HSPA2: variants seen among roughly 807,000 people sequenced by gnomAD.
The protein encoded by HSPA2 is heat shock-related 70 kDa protein 2.
HSPA2 carries 13 observed loss-of-function variants against 35.0 expected under a neutral mutation model. The observed-to-expected ratio is 0.37, with a 90% confidence interval of 0.24 to 0.59. HSPA2 has a LOEUF of 0.59. Ranked by LOEUF, HSPA2 falls within the 20% of genes least tolerant of loss-of-function variation. HSPA2 has a pLI of 0.70. For missense variants in HSPA2, 565 were observed against 885.4 expected, an observed-to-expected ratio of 0.64 and a Z score of 4.59; for synonymous variants, 368 against 382.1, an observed-to-expected ratio of 0.96 and a Z score of 0.43.
chr14:64,539,128 C>A (rs1054748273), upstream of HSPA2, among the ~76,000 whole-genome samples: 37 of 152,160 alleles, frequency 2.4e-4, no homozygotes, highest in African/African-American at 8.7e-4. Flanking sequence ...ATATGGGAGC[C>A]TGCTTCTAAA....
chr14:64,538,303 T>C (rs1166255052), upstream of HSPA2, among the ~76,000 whole-genome samples: 1 of 152,224 alleles, frequency 6.6e-6, no homozygotes, highest in Non-Finnish European at 1.5e-5. Context: ...AGCTTTTACA[T>C]GGCTGCACAT....
chr14:64,542,334 C>G lies in HSPA2; in HGVS notation c.1485C>G (p.Asp495Glu). The G allele has an allele frequency of 6.2e-7, 1 of 1,613,978 alleles. No individual in the cohort carries two copies. Among genetic ancestry groups the G allele is most frequent in the Non-Finnish European group, 8.5e-7 (1 of 1,180,020 alleles). ...ANGILNVTAA[D>E]KSTGKENKIT... ...GCATCCTTAACGTTACCGCCGCCGA[C>G]AAGAGCACCGGTAAGGAAAACAAAA... Residue 495 changes from aspartate to glutamate, a missense_variant, in exon 1 of 1, where the codon GAC becomes GAG. Physicochemically the swap from Asp to Glu is conservative, Grantham distance 45. This residue lies in a region of HSPA2 where 234 missense variants were observed against 419.0 expected (regional missense o/e 0.56). Coordinates refer to ENST00000247207, the MANE Select transcript of HSPA2 (RefSeq NM_021979.4). The surrounding 1 kb of genome is among the most constrained non-coding windows in gnomAD (Gnocchi z 5.7).
Position 64,541,410 on chromosome 14 carries a change from CAAG to C in HSPA2, c.565_567del (p.Lys189del), listed in dbSNP as rs1346124309. 1.2e-6 allele frequency: 2 copies of C among 1,613,514 alleles called. No homozygotes were observed. The highest frequency in any genetic ancestry group is 1.7e-6 in the Non-Finnish European group (2 of 1,179,892). ...CGGCGGCCATCGCCTACGGCCTGGACAAGAAGGGCTGCGCGGGCGGCGAGAAGA... is the reference window on the plus strand; with the variant it reads ...CGGCGGCCATCGCCTACGGCCTGGACAAGGGCTGCGCGGGCGGCGAGAAGA... On this transcript the variant is annotated inframe_deletion, in exon 1 of 1. Transcript: ENST00000247207.
Position 64,541,712 on chromosome 14 carries a change from A to G in HSPA2, c.863A>G (p.Asp288Gly). 1.9e-6 allele frequency: 3 copies of G among 1,611,780 alleles called. No homozygotes were observed. Among genetic ancestry groups the G allele is most frequent in the Non-Finnish European group, 2.5e-6 (3 of 1,179,542 alleles). Residue 288 changes from aspartate (D) to glycine (G), a missense_variant, in exon 1 of 1, where the codon GAC becomes GGC. Physicochemically the swap from Asp to Gly is moderately conservative, Grantham distance 94. Transcript: ENST00000247207. The stretch of plus-strand genomic sequence containing the variant: ...TCCACGCAGGCGAGCATCGAGATCG[A>G]CTCGCTCTACGAGGGCGTGGACTTC... ...SSSTQASIEI[D>G]SLYEGVDFYT...
At chr14:64,540,266 T>G (rs147421872), upstream of HSPA2, 1,090 of 166,052 alleles carry the variant, frequency 6.6e-3, 7 homozygotes, top group Non-Finnish European at 9.7e-3. Context: ...AGCAGTGAAC[T>G]GCATTTAAAA....
chr14:64,540,702 G>A (rs2080020484), upstream of HSPA2: 2 of 1,250,994 alleles, frequency 1.6e-6, no homozygotes, highest in African/African-American at 3.0e-5. Context: ...GGAGTTCCCA[G>A]AGGCGGCTAT....
At chr14:64,540,719 C>T, upstream of HSPA2, 2 of 1,393,634 alleles carry the variant, frequency 1.4e-6, no homozygotes, top group Non-Finnish European at 9.6e-7. Context: ...CTATAAGAAC[C>T]GGGAACTGGG....
upstream of HSPA2, chr14:64,540,341 C>T (rs1014939025): frequency 5.4e-6 from 1 of 185,738 alleles, no homozygotes; most frequent in Middle Eastern, 2.7e-3. Context: ...ACGCCTCCTC[C>T]CCGTGCCGCG....
Position 64,542,846 on chromosome 14 carries a change from C to A in HSPA2, c.*77C>A. On this transcript the variant is annotated 3_prime_UTR_variant, in exon 1 of 1. Coordinates refer to ENST00000247207, the MANE Select transcript of HSPA2 (RefSeq NM_021979.4). The surrounding 1 kb of genome is among the most constrained non-coding windows in gnomAD (Gnocchi z 5.7). ...TTTTTGTTTGTTTCTTTGAAATGTCCTTGTGCCAAGTACGAGATCTATTGT... is the reference window on the plus strand; with the variant it reads ...TTTTTGTTTGTTTCTTTGAAATGTCATTGTGCCAAGTACGAGATCTATTGT... The A allele has an allele frequency of 6.7e-7, 1 of 1,483,672 alleles. No individual in the cohort carries two copies. Among genetic ancestry groups the A allele is most frequent in the South Asian group, 1.4e-5 (1 of 71,116 alleles). The allele number at this position is 1,483,672 out of a possible 1,614,324, so 91.9% of individuals were successfully genotyped here. A position where few individuals can be genotyped will look rare whatever the true frequency, so the allele number is the denominator to read the frequency against.
At position 64,542,734 on chromosome 14, in the gene HSPA2, G is replaced by A; in HGVS notation, c.1885G>A (p.Ala629Thr). ...CGGCAGCGGCGGCGGCGGTTCAGGAGCCTCCGGGGGACCCACCATCGAAGA... is the reference window on the plus strand; with the variant it reads ...CGGCAGCGGCGGCGGCGGTTCAGGAACCTCCGGGGGACCCACCATCGAAGA... ...GGGSGGGGSGASGGPTIEEVD is the reference protein window; with the variant it reads ...GGGSGGGGSGTSGGPTIEEVD The change falls in exon 1 of 1, where the codon GCC becomes ACC. Residue 629 changes from alanine (A) to threonine (T), a missense_variant. This residue lies in a region of HSPA2 where 147 missense variants were observed against 166.7 expected (regional missense o/e 0.88). Coordinates refer to ENST00000247207, the MANE Select transcript of HSPA2 (RefSeq NM_021979.4). This position sits in a 1 kb window ranked among gnomAD's most constrained non-coding sequence, Gnocchi z 5.7. 1 of 1,612,410 alleles carries A rather than the reference G, an allele frequency of 6.2e-7. No individual in the cohort carries two copies. The highest frequency in any genetic ancestry group is 8.5e-7 in the Non-Finnish European group (1 of 1,179,236).
In HSPA2 at chr14:64,541,190, CCTT is replaced by C. The variant is rs2080027198; in HGVS notation, c.346_348del (p.Phe116del). ...GTAGAGTACAAGGGGGAGACCAAGACCTTCTTCCCAGAGGAGATATCCTCCATG... is the reference window on the plus strand; with the variant it reads ...GTAGAGTACAAGGGGGAGACCAAGACCTTCCCAGAGGAGATATCCTCCATG... On this transcript the variant is annotated inframe_deletion, in exon 1 of 1. Transcript: ENST00000247207. 1.2e-6 allele frequency: 2 copies of C among 1,614,118 alleles called. No homozygotes were observed. The highest frequency in any genetic ancestry group is 1.7e-6 in the Non-Finnish European group (2 of 1,180,018).
At chr14:64,538,894 G>C (rs1257278433), upstream of HSPA2, among the ~76,000 whole-genome samples, 2 of 152,208 alleles carry the variant, frequency 1.3e-5, no homozygotes, top group African/African-American at 4.8e-5. Context: ...CTGGAGTGCA[G>C]TGTCGCAATC....
chr14:64,538,644 C>T (rs1394533933), upstream of HSPA2, among the ~76,000 whole-genome samples: 3 of 152,188 alleles, frequency 2.0e-5, no homozygotes, highest in Admixed American at 2.0e-4. Context: ...GTTCCCATGG[C>T]GCTTTGCTTT....
In HSPA2 at chr14:64,542,670, C is replaced by G. The variant is rs750582212; in HGVS notation, c.1821C>G (p.Asn607Lys). The G allele has an allele frequency of 6.2e-7, 1 of 1,614,022 alleles. No homozygotes were observed. Among genetic ancestry groups the G allele is most frequent in the South Asian group, 1.1e-5 (1 of 91,072 alleles). Residue 607 changes from asparagine to lysine, a missense_variant, in exon 1 of 1, where the codon AAC becomes AAG. Physicochemically the swap from Asn to Lys is moderately conservative, Grantham distance 94. Around this residue, in one of 4 missense-constraint regions of HSPA2, gnomAD observed 147 missense variants for 166.7 expected, o/e 0.88. Coordinates refer to ENST00000247207, the MANE Select transcript of HSPA2 (RefSeq NM_021979.4). This position sits in a 1 kb window ranked among gnomAD's most constrained non-coding sequence, Gnocchi z 5.7. ...AGAAAGAGCTCGAAAGAGTTTGCAA[C>G]CCCATCATCAGCAAACTTTACCAAG... ...HKQKELERVC[N>K]PIISKLYQGG...
rs1181422210 is a variant in HSPA2 at position 64,541,456 on chromosome 14, C to T, written c.607C>T (p.Leu203=). 1 of 1,613,494 alleles carries T rather than the reference C, an allele frequency of 6.2e-7. No homozygotes were observed. The highest frequency in any genetic ancestry group is 8.5e-7 in the Non-Finnish European group (1 of 1,179,708). Residue 203 remains leucine, a synonymous_variant, in exon 1 of 1, where the codon CTG becomes TTG. Transcript: ENST00000247207. The part of the protein sequence containing the change: ...GGEKNVLIFD[L]GGGTFDVSIL... ...CGAGAAGAACGTGCTCATCTTTGAC[C>T]TGGGCGGTGGCACTTTCGACGTGTC...
chr14:64,542,365 A>G lies in HSPA2; in HGVS notation c.1516A>G (p.Ile506Val), dbSNP rs1448033062. The stretch of plus-strand genomic sequence containing the variant: ...CACCGGTAAGGAAAACAAAATCACC[A>G]TCACCAATGACAAAGGTCGTCTGAG... ...KSTGKENKIT[I>V]TNDKGRLSKD... Residue 506 changes from isoleucine to valine, a missense_variant, in exon 1 of 1, where the codon ATC (isoleucine) becomes GTC (valine). By Grantham distance (29) the Ile-to-Val change is conservative. This residue lies in a region of HSPA2 where 234 missense variants were observed against 419.0 expected (regional missense o/e 0.56). Coordinates refer to ENST00000247207, the MANE Select transcript of HSPA2 (RefSeq NM_021979.4). This position sits in a 1 kb window ranked among gnomAD's most constrained non-coding sequence, Gnocchi z 5.7. The G allele has an allele frequency of 6.2e-7, 1 of 1,613,952 alleles. No individual in the cohort carries two copies. Among genetic ancestry groups the G allele is most frequent in the South Asian group, 1.1e-5 (1 of 91,078 alleles).
chr14:64,536,673 T>A (rs2079982409), upstream of HSPA2, among the ~76,000 whole-genome samples: 1 of 152,124 alleles, frequency 6.6e-6, no homozygotes, highest in African/African-American at 2.4e-5. Flanking sequence ...AGTGGGAGGA[T>A]CGCTTGTGCA....
rs375274677 is a variant in HSPA2, at chr14:64,540,859, C to G, written c.10C>G (p.Arg4Gly). 6.2e-7 allele frequency: 1 copy of G among 1,614,040 alleles called. No individual in the cohort carries two copies. The highest frequency in any genetic ancestry group is 8.5e-7 in the Non-Finnish European group (1 of 1,179,994). The change falls in exon 1 of 1, where the codon CGT becomes GGT. Residue 4 changes from arginine to glycine, a missense_variant. Arg to Gly is a moderately radical substitution (Grantham distance 125). Transcript: ENST00000247207. The stretch of plus-strand genomic sequence containing the variant: ...TCGCCTTTCAGTCAGGATGTCTGCC[C>G]GTGGCCCGGCTATCGGCATCGACCT... MSARGPAIGIDLGT... is the reference protein window; with the variant it reads MSAGGPAIGIDLGT...
Position 64,542,464 on chromosome 14 carries a change from G to C in HSPA2, c.1615G>C (p.Val539Leu), listed in dbSNP as rs1204752378. The part of the protein sequence containing the change: ...KSEDEANRDR[V>L]AAKNALESYT... ...GGAAGATGAGGCGAATCGCGACCGAGTCGCGGCCAAAAACGCCCTGGAGTC... is the reference window on the plus strand; with the variant it reads ...GGAAGATGAGGCGAATCGCGACCGACTCGCGGCCAAAAACGCCCTGGAGTC... Residue 539 changes from valine (V) to leucine (L), a missense_variant, in exon 1 of 1, where the codon GTC becomes CTC. By Grantham distance (32) the Val-to-Leu change is conservative. Transcript: ENST00000247207. This position sits in a 1 kb window ranked among gnomAD's most constrained non-coding sequence, Gnocchi z 5.7. The C allele has an allele frequency of 7.4e-6, 12 of 1,613,714 alleles. No homozygotes were observed. In the Middle Eastern group the frequency reaches 4.9e-4, roughly 67 times the overall value.
Sources: gnomAD v4.1 joint callset for allele counts (sites outside exome capture counted in the v4.1 genomes callset) on GRCh38, gnomAD v4.1.1 for gene constraint, gnomAD v4.1.1 regional missense constraint, Gnocchi (gnomAD v3.1) non-coding constraint, MANE v1.5 for transcripts, NCBI Gene and HGNC (gene_info 2026-07-23, HGNC 2026-07-21) for gene names.